The following PTCRA variants were observed in gnomAD, a reference collection of about 807,000 sequenced individuals.
PTCRA encodes the protein pre T-cell antigen receptor alpha.
A neutral mutation model predicts 13.4 loss-of-function variants in PTCRA; 9 were observed. The ratio of observed to expected loss-of-function variants is 0.67; its 90% CI spans 0.41 to 1.18. The LOEUF (loss-of-function observed/expected upper bound fraction) is 1.18. Ranked by LOEUF, PTCRA falls within the 50% of genes most tolerant of loss-of-function variation. PTCRA has a pLI of 0.01. For synonymous variants in PTCRA, 153 were observed against 161.9 expected, an observed-to-expected ratio of 0.94 and a Z score of 0.42; for missense variants, 353 against 359.8, an observed-to-expected ratio of 0.98 and a Z score of 0.15.
At chr6:42,922,959 T>C in intron 1 of PTCRA, 68 bp from the exon 2 acceptor site, 1 of 1,456,614 alleles carries the variant, frequency 6.9e-7, no homozygotes, top group Non-Finnish European at 9.6e-7. Flanking sequence ...AACCCTAGCC[T>C]ACAACACAAT....
Position 42,925,259 on chromosome 6 carries a change from AG to A in PTCRA, c.426del. Reference sequence around the variant, plus strand: ...GGGCTCCTGAGCGGTTCCTCCTCGCAGGGACACCGGGTGGGGCGCTGTGGCT... The same window carrying A: ...GGGCTCCTGAGCGGTTCCTCCTCGCAGGACACCGGGTGGGGCGCTGTGGCT... On this transcript the variant is annotated splice_acceptor_variant, in intron 3 of 3. Coordinates refer to ENST00000304672, the MANE Select transcript of PTCRA (RefSeq NM_138296.3). LOFTEE classifies it high-confidence loss of function. This position sits in a 1 kb window ranked among gnomAD's most constrained non-coding sequence, Gnocchi z 4.4. The A allele has an allele frequency of 1.9e-6, 3 of 1,586,618 alleles. No homozygotes were observed. Among genetic ancestry groups the A allele is most frequent in the Non-Finnish European group, 2.6e-6 (3 of 1,173,918 alleles).
chr6:42,924,376 G>C (rs760041949), intron 3 of PTCRA, 103 bp downstream of exon 3: 47 of 928,034 alleles, frequency 5.1e-5, no homozygotes. Flanking sequence ...TTACACTGGA[G>C]GTCAGTAGGT....
At chr6:42,916,706 T>C (rs544356932) in intron 1 of PTCRA, among the ~76,000 whole-genome samples, 1 of 152,132 alleles carries the variant, frequency 6.6e-6, no homozygotes, top group Non-Finnish European at 1.5e-5. Flanking sequence ...AAAGGACTCA[T>C]GTTTTGAGGG....
At chr6:42,924,432 T>C in intron 3 of PTCRA, 159 bp downstream of exon 3, 1 of 686,836 alleles carries the variant, frequency 1.5e-6, no homozygotes, top group Non-Finnish European at 2.6e-6. Flanking sequence ...CTGGCTAGCA[T>C]GGGCCTCAGT....
chr6:42,920,953 C>G (rs578252395), intron 1 of PTCRA, among the ~76,000 whole-genome samples: 66 of 151,892 alleles, frequency 4.3e-4, no homozygotes, highest in African/African-American at 1.5e-3. Flanking sequence ...TGCCACCACA[C>G]GCAGCTAATT....
chr6:42,918,435 T>TA (rs1469261392), intron 1 of PTCRA, among the ~76,000 whole-genome samples: 42 of 144,968 alleles, frequency 2.9e-4, no homozygotes, highest in Admixed American at 1.1e-3. Flanking sequence ...GTGCCTGTAA[T>TA]CCCAGCTACT....
rs574035510 is a variant in PTCRA, at chr6:42,921,124, C to G, written c.59-1903C>G. 3.4e-5 allele frequency among the ~76,000 whole-genome samples: 5 copies of G among 148,524 alleles called. No individual in the cohort carries two copies. In the South Asian group the frequency reaches 1.1e-3, roughly 32 times the overall value. ...TTTTGTTGTTGTTGTTGTTTTGAGA[C>G]AGAATCTTGTGCTGTTGCCCAGGCT... On this transcript the variant is annotated intron_variant, in intron 1 of 3. Coordinates refer to ENST00000304672, the MANE Select transcript of PTCRA (RefSeq NM_138296.3).
In PTCRA at chr6:42,925,396, G is replaced by T; in HGVS notation, c.560G>T (p.Arg187Leu). The change falls in exon 4 of 4, where the codon CGC (arginine) becomes CTC (leucine). Residue 187 changes from arginine (R) to leucine (L), a missense_variant. Arg to Leu is a moderately radical substitution (Grantham distance 102). Transcript: ENST00000304672. The surrounding 1 kb of genome is among the most constrained non-coding windows in gnomAD (Gnocchi z 4.4). ...GPLPSPATTT[R>L]LRALGSHRLH... ...CTGCCTTCCCCCGCAACCACCACCCGCCTGCGAGCCCTCGGCTCCCATCGA... is the reference window on the plus strand; with the variant it reads ...CTGCCTTCCCCCGCAACCACCACCCTCCTGCGAGCCCTCGGCTCCCATCGA... 1.9e-6 allele frequency: 3 copies of T among 1,554,058 alleles called. No homozygotes were observed. The highest frequency in any genetic ancestry group is 2.6e-6 in the Non-Finnish European group (3 of 1,148,590).
At chr6:42,922,347 T>C (rs1767213522) in intron 1 of PTCRA, 1 of 675,122 alleles carries the variant, frequency 1.5e-6, no homozygotes. Flanking sequence ...TACCCAATGT[T>C]GTATCTCTAG....
rs73430778 is a variant in PTCRA, at chr6:42,923,777, G to A, written c.379+430G>A. ...TAATTCCCTCAATTTTACAGGCACA[G>A]GGAGGTTAAGCAACATGTCTAAAGC... On this transcript the variant is annotated intron_variant, in intron 2 of 3. Coordinates refer to ENST00000304672, the MANE Select transcript of PTCRA (RefSeq NM_138296.3). Among the ~76,000 whole-genome samples, 178 of 152,344 alleles carry A rather than the reference G, an allele frequency of 1.2e-3. 1 individual carries two copies. Among genetic ancestry groups the A allele is most frequent in the African/African-American group, 4.0e-3 (168 of 41,576 alleles).
At position 42,925,686 on chromosome 6, in the gene PTCRA, C is replaced by A. The variant is rs1469157766; in HGVS notation, c.*4C>A. On this transcript the variant is annotated 3_prime_UTR_variant, in exon 4 of 4. Coordinates refer to ENST00000304672, the MANE Select transcript of PTCRA (RefSeq NM_138296.3). The surrounding 1 kb of genome is among the most constrained non-coding windows in gnomAD (Gnocchi z 4.4). ...TCTGCAGGCTGGAGCTGCCTGAGGGCAGGGCTCTACCTCCCCTGCGTCACA... is the reference window on the plus strand; with the variant it reads ...TCTGCAGGCTGGAGCTGCCTGAGGGAAGGGCTCTACCTCCCCTGCGTCACA... 1.3e-6 allele frequency: 2 copies of A among 1,510,148 alleles called. No homozygotes were observed. Among genetic ancestry groups the A allele is most frequent in the East Asian group, 2.3e-5 (1 of 43,964 alleles). 93.5% of individuals were successfully genotyped at this position (1,510,148 alleles called of 1,614,324 possible).
Position 42,925,204 on chromosome 6 carries a change from C to T in PTCRA, c.425-57C>T. 1 of 1,534,964 alleles carries T rather than the reference C, an allele frequency of 6.5e-7. No homozygotes were observed. Among genetic ancestry groups the T allele is most frequent in the Non-Finnish European group, 8.7e-7 (1 of 1,146,448 alleles). On this transcript the variant is annotated intron_variant, in intron 3 of 3. Transcript: ENST00000304672. This position sits in a 1 kb window ranked among gnomAD's most constrained non-coding sequence, Gnocchi z 4.4. ...AGGACAAGGCCCTCTCCGCCGTTCT[C>T]TCCTGGGGTAGGGGGCTGCGGGCTC...
chr6:42,916,169 T>G, intron 1 of PTCRA, 42 bp downstream of exon 1: 1 of 1,590,924 alleles, frequency 6.3e-7, no homozygotes, highest in Non-Finnish European at 8.6e-7. Context: ...CTCCTCAGTC[T>G]GCCGAAGCCC....
chr6:42,922,105 C>T, intron 1 of PTCRA: 1 of 627,778 alleles, frequency 1.6e-6, no homozygotes, highest in Admixed American at 2.7e-5. Context: ...TACCCAAGCA[C>T]ACTCCACCTA....
chr6:42,920,213 G>A (rs540756811), intron 1 of PTCRA, among the ~76,000 whole-genome samples: 4 of 151,494 alleles, frequency 2.6e-5, no homozygotes, highest in Non-Finnish European at 2.9e-5. Flanking sequence ...CCAGCTACTC[G>A]TGAGGCTGAG....
At chr6:42,917,464 C>T (rs912186928) in intron 1 of PTCRA, among the ~76,000 whole-genome samples, 9 of 145,550 alleles carry the variant, frequency 6.2e-5, no homozygotes, top group Non-Finnish European at 9.0e-5. Context: ...CCTCATGATC[C>T]GCCCGCCTCA....
chr6:42,917,559 T>G (rs899370139), intron 1 of PTCRA, among the ~76,000 whole-genome samples: 4 of 141,800 alleles, frequency 2.8e-5, no homozygotes, highest in Admixed American at 2.1e-4. Context: ...ATTATTATTA[T>G]TATTATTATT....
chr6:42,916,173 G>C (rs2235831), intron 1 of PTCRA, 46 bp downstream of exon 1: 513,353 of 1,580,236 alleles, frequency 0.32, 89,343 homozygotes, highest in African/African-American at 0.65. Flanking sequence ...TCAGTCTGCC[G>C]AAGCCCATCC....
Position 42,923,043 on chromosome 6 carries a change from C to G in PTCRA, c.75C>G (p.Pro25=), listed in dbSNP as rs143960660. Residue 25 remains proline (P), a synonymous_variant, in exon 2 of 4, where the codon CCC becomes CCG. Coordinates refer to ENST00000304672, the MANE Select transcript of PTCRA (RefSeq NM_138296.3). ...CTCTTGCAGGTGTGGGCGGCACACC[C>G]TTTCCTTCTCTGGCCCCACCAATCA... is the stretch of plus-strand genomic sequence containing the variant. ...PALPTGVGGT[P]FPSLAPPIML... is the part of the protein sequence containing the mutation. 28 of 1,614,110 alleles carry G rather than the reference C, an allele frequency of 1.7e-5. No individual in the cohort carries two copies. Among genetic ancestry groups the G allele is most frequent in the Non-Finnish European group, 2.4e-5 (28 of 1,180,042 alleles).
Sources: allele counts gnomAD v4.1 joint callset (sites outside exome capture counted in the v4.1 genomes callset), GRCh38; gene constraint gnomAD v4.1.1; non-coding constraint Gnocchi (gnomAD v3.1); transcripts MANE v1.5; gene names NCBI Gene and HGNC (gene_info 2026-07-23, HGNC 2026-07-21).